RAB9B: variants seen among roughly 807,000 people sequenced by gnomAD.
RAB9B encodes the protein RAB9B, member RAS oncogene family, also known as ras-related protein Rab-9B.
Under a neutral mutation model 8.9 loss-of-function variants are expected in RAB9B, and 1 was observed. That is an observed-to-expected ratio of 0.11 (90% CI 0.04 to 0.53). The LOEUF (loss-of-function observed/expected upper bound fraction) is 0.53, where lower values mean the gene tolerates loss of function less well. Among genes scored for constraint, RAB9B ranks in the 20% least tolerant of loss-of-function variants. RAB9B has a pLI of 0.93. For missense variants in RAB9B, 82 were observed against 152.9 expected, an observed-to-expected ratio of 0.54 and a Z score of 2.45; for synonymous variants, 63 against 57.0, an observed-to-expected ratio of 1.10 and a Z score of -0.47.
In RAB9B at chrX:103,823,534, C is replaced by G. The variant is rs139184567; in HGVS notation, c.*1645G>C. 12 of 111,552 alleles carry G rather than the reference C, an allele frequency of 1.1e-4. No homozygotes were observed. The highest frequency in any genetic ancestry group is 3.6e-4 in the African/African-American group (11 of 30,705). The allele number at this position is 111,552 out of a possible 1,213,427, so 9.2% of individuals were successfully genotyped here. A position where few individuals can be genotyped will look rare whatever the true frequency, so the allele number is the denominator to read the frequency against. Reference sequence around the variant, plus strand: ...TGTATTCCTATGAAAGCTCCCACCCCCTTCCTGGCCTAGGTCTCTTTTTGG... The same window carrying G: ...TGTATTCCTATGAAAGCTCCCACCCGCTTCCTGGCCTAGGTCTCTTTTTGG... On this transcript the variant is annotated 3_prime_UTR_variant, in exon 3 of 3. Transcript: ENST00000243298.
chrX:103,830,001 A>T (rs186025517), intron 1 of RAB9B, among the ~76,000 whole-genome samples: 1 of 111,998 alleles, frequency 8.9e-6, no homozygotes, highest in Admixed American at 9.5e-5. Context: ...ATTATTTATA[A>T]GGTAACTAAA....
the RAB9B span, chrX:103,791,774 G>A: frequency 8.9e-6 from 1 of 112,758 alleles, no homozygotes; most frequent in Non-Finnish European, 1.9e-5. Flanking sequence ...TGGACATTAA[G>A]CATCACAAAT....
the RAB9B span, among the ~76,000 whole-genome samples, chrX:103,806,963 C>T: frequency 1.8e-5 from 2 of 111,539 alleles, no homozygotes; most frequent in East Asian, 2.8e-4. Context: ...AAATAAGTTC[C>T]TGAGGAAGGA....
At chrX:103,789,469 G>T in the RAB9B span, 1 of 822,612 alleles carries the variant, frequency 1.2e-6, no homozygotes, top group South Asian at 2.0e-5. Flanking sequence ...ATTCTGAAAG[G>T]CAAGAAGGTA....
chrX:103,781,102 C>G, the RAB9B span: 1 of 216,138 alleles, frequency 4.6e-6, no homozygotes, highest in African/African-American at 2.9e-5. Flanking sequence ...TACAATTGGT[C>G]TCTTTCTACC....
chrX:103,806,477 C>A, the RAB9B span, among the ~76,000 whole-genome samples: 18 of 111,406 alleles, frequency 1.6e-4, no homozygotes, highest in Admixed American at 1.4e-3. Flanking sequence ...TAATGTAAAT[C>A]TTTTAAAGTT....
At chrX:103,797,376 C>T in the RAB9B span, among the ~76,000 whole-genome samples, 3 of 112,118 alleles carry the variant, frequency 2.7e-5, no homozygotes, top group Non-Finnish European at 5.6e-5. Flanking sequence ...TGCTCCCAGC[C>T]CCAAGGAAAG....
At chrX:103,798,397 C>T in the RAB9B span, among the ~76,000 whole-genome samples, 1 of 111,615 alleles carries the variant, frequency 9.0e-6, no homozygotes, top group South Asian at 3.7e-4. Context: ...ATTTTGAAAT[C>T]ATGGTTTAAC....
the RAB9B span, among the ~76,000 whole-genome samples, chrX:103,808,774 GC>G: frequency 8.9e-6 from 1 of 112,719 alleles, no homozygotes; most frequent in Non-Finnish European, 1.9e-5. Flanking sequence ...AAGAAACAGG[GC>G]CCCCTTCCCC....
chrX:103,814,429 T>C, the RAB9B span, among the ~76,000 whole-genome samples: 1 of 111,658 alleles, frequency 9.0e-6, no homozygotes, highest in Admixed American at 9.5e-5. Flanking sequence ...CCTGGACACA[T>C]TTAAAGCAGG....
chrX:103,781,605 T>C, the RAB9B span, among the ~76,000 whole-genome samples: 1 of 112,526 alleles, frequency 8.9e-6, no homozygotes, highest in Non-Finnish European at 1.9e-5. Context: ...GGCCTTTTAA[T>C]TCCCTTCTGT....
the RAB9B span, among the ~76,000 whole-genome samples, chrX:103,779,259 G>C: frequency 8.9e-6 from 1 of 112,251 alleles, no homozygotes; most frequent in Non-Finnish European, 1.9e-5. Flanking sequence ...GCCTGTTGTC[G>C]TCTGAGAACA....
At chrX:103,778,142 G>A in the RAB9B span, among the ~76,000 whole-genome samples, 3 of 112,128 alleles carry the variant, frequency 2.7e-5, no homozygotes, top group South Asian at 7.5e-4. Context: ...TGTGACCTTG[G>A]ACAGGTCACT....
the RAB9B span, chrX:103,779,961 A>T: frequency 8.9e-6 from 1 of 112,818 alleles, no homozygotes; most frequent in Non-Finnish European, 1.9e-5. Context: ...GAGGACAGTG[A>T]CATGATCAGG....
chrX:103,786,873 G>A, the RAB9B span: 5 of 624,125 alleles, frequency 8.0e-6, no homozygotes, highest in Non-Finnish European at 1.3e-5. Flanking sequence ...GAACGAGAAG[G>A]TCAGGAAGAA....
chrX:103,824,989 G>C lies in RAB9B; in HGVS notation c.*190C>G, dbSNP rs923471304. On this transcript the variant is annotated 3_prime_UTR_variant, in exon 3 of 3. Transcript: ENST00000243298. ...CACGCAAAATACACTTGGCTTGATA[G>C]AGCTTCATTTTTTTTAATTTTTAAT... 28 of 430,716 alleles carry C rather than the reference G, an allele frequency of 6.5e-5. No individual in the cohort carries two copies. Among genetic ancestry groups the C allele is most frequent in the African/African-American group, 4.5e-4 (18 of 39,642 alleles). 35.5% of individuals were successfully genotyped at this position (430,716 alleles called of 1,213,427 possible). A position where few individuals can be genotyped will look rare whatever the true frequency, so the allele number is the denominator to read the frequency against.
chrX:103,779,045 AG>A, the RAB9B span, among the ~76,000 whole-genome samples: 1 of 112,123 alleles, frequency 8.9e-6, no homozygotes, highest in Admixed American at 9.5e-5. Context: ...GGAAGCAAGG[AG>A]GAACACTGAT....
At chrX:103,800,714 T>C in the RAB9B span, among the ~76,000 whole-genome samples, 1 of 111,951 alleles carries the variant, frequency 8.9e-6, no homozygotes, top group African/African-American at 3.2e-5. Context: ...AGAGACCTTG[T>C]CTGGCAAAAA....
chrX:103,825,202 T>C lies in RAB9B; in HGVS notation c.583A>G (p.Lys195Glu), dbSNP rs772188064. The part of the protein sequence containing the change: ...GHTIDLNSGS[K>E]AGSSCC ...CTTTAACAGCACGAAGACCCTGCTTTGGAGCCACTGTTCAAGTCAATGGTG... is the reference window on the plus strand; with the variant it reads ...CTTTAACAGCACGAAGACCCTGCTTCGGAGCCACTGTTCAAGTCAATGGTG... The change falls in exon 3 of 3, where the codon AAA (lysine) becomes GAA (glutamate). Residue 195 changes from lysine (K) to glutamate (E), a missense_variant. Transcript: ENST00000243298. 3 of 1,210,084 alleles carry C rather than the reference T, an allele frequency of 2.5e-6. No individual in the cohort carries two copies. The highest frequency in any genetic ancestry group is 3.4e-6 in the Non-Finnish European group (3 of 894,725).
Sources: allele counts gnomAD v4.1 joint callset (sites outside exome capture counted in the v4.1 genomes callset), GRCh38; gene constraint gnomAD v4.1.1; transcripts MANE v1.5; gene names NCBI Gene and HGNC (gene_info 2026-07-23, HGNC 2026-07-21).